Variants in GPR137 observed in about 807,000 individuals in gnomAD.
GPR137 encodes integral membrane protein GPR137.
Under a neutral mutation model 38.9 loss-of-function variants are expected in GPR137, and 20 were observed. The ratio of observed to expected loss-of-function variants is 0.51; its 90% CI spans 0.36 to 0.75. The LOEUF is 0.75. Ranked by LOEUF, GPR137 falls within the 30% of genes least tolerant of loss-of-function variation. The pLI is 0.00. For synonymous variants in GPR137, 226 were observed against 235.8 expected (o/e 0.96, Z 0.38); for missense variants, 456 against 526.4 (o/e 0.87, Z 1.31).
chr11:64,286,133 G>C lies in GPR137; in HGVS notation c.-392G>C. The C allele has an allele frequency of 9.8e-7, 1 of 1,016,094 alleles. No individual in the cohort carries two copies. The highest frequency in any genetic ancestry group is 1.2e-6 in the Non-Finnish European group (1 of 850,456). 62.9% of individuals were successfully genotyped at this position (1,016,094 alleles called of 1,614,324 possible). A position where few individuals can be genotyped will look rare whatever the true frequency, so the allele number is the denominator to read the frequency against. On this transcript the variant is annotated 5_prime_UTR_variant, in exon 1 of 7. Transcript: ENST00000438980. The stretch of plus-strand genomic sequence containing the variant: ...GCAGCGGCCGCTGCCCTGACCCGAC[G>C]GGTATCAGCCGGCTCTCCCCCTCCA...
Position 64,285,871 on chromosome 11 carries a change from GGAGCCCCGGGTCCCCACGACCT to G in GPR137, c.-648_-627del. On this transcript the variant is annotated 5_prime_UTR_variant, in exon 1 of 7. Coordinates refer to ENST00000438980, the MANE Select transcript of GPR137 (RefSeq NM_001170880.2). ...GCGGAGCAGCGGGAGCCGGGGAGCC[GGAGCCCCGGGTCCCCACGACCT>G]GAGCCGGCTCTCCCATCAGCGGCCT... The G allele has an allele frequency of 1.0e-6, 1 of 980,896 alleles. No homozygotes were observed. Among genetic ancestry groups the G allele is most frequent in the South Asian group, 4.7e-5 (1 of 21,216 alleles). The allele number at this position is 980,896 out of a possible 1,614,324, so 60.8% of individuals were successfully genotyped here. A position where few individuals can be genotyped will look rare whatever the true frequency, so the allele number is the denominator to read the frequency against.
At chr11:64,274,056 A>C (rs1380792191), upstream of GPR137, among the ~76,000 whole-genome samples, 1 of 152,172 alleles carries the variant, frequency 6.6e-6, no homozygotes, top group South Asian at 2.1e-4. Context: ...CAGGGCCTCC[A>C]GGGGTCCCAG....
upstream of GPR137, among the ~76,000 whole-genome samples, chr11:64,281,651 G>A (rs1209816070): frequency 1.3e-5 from 2 of 152,172 alleles, no homozygotes; most frequent in Non-Finnish European, 2.9e-5. Context: ...TGGCTCCAGT[G>A]GTGCTTCTCA....
rs1329549835 is a variant in GPR137 at position 64,288,667 on chromosome 11, G to T, written c.977G>T (p.Gly326Val). ...ASRSYFFDRAGHCEDEGCSWE... is the reference protein window; with the variant it reads ...ASRSYFFDRAVHCEDEGCSWE... ...CGGTCCTACTTCTTTGACCGGGCTG[G>T]GCACTGTGAAGATGAGGGCTGCTCC... The change falls in exon 6 of 7, where the codon GGG becomes GTG. Residue 326 changes from glycine (G) to valine (V), a missense_variant. By Grantham distance (109) the Gly-to-Val change is moderately radical. Coordinates refer to ENST00000438980, the MANE Select transcript of GPR137 (RefSeq NM_001170880.2). This position sits in a 1 kb window ranked among gnomAD's most constrained non-coding sequence, Gnocchi z 5.5. 1.3e-6 allele frequency: 2 copies of T among 1,599,104 alleles called. No homozygotes were observed. Among genetic ancestry groups the T allele is most frequent in the Non-Finnish European group, 1.7e-6 (2 of 1,171,820 alleles).
chr11:64,288,441 C>T lies in GPR137; in HGVS notation c.885C>T (p.Phe295=). 2 of 1,613,512 alleles carry T rather than the reference C, an allele frequency of 1.2e-6. No homozygotes were observed. Among genetic ancestry groups the T allele is most frequent in the Non-Finnish European group, 1.7e-6 (2 of 1,179,958 alleles). ...LLPTTLLVGF[F]RVHRPPQDLS... Reference sequence around the variant, plus strand: ...CCACCACCCTGCTGGTGGGCTTCTTCCGGGTGCACCGGCCCCCACAGGACC... The same window carrying T: ...CCACCACCCTGCTGGTGGGCTTCTTTCGGGTGCACCGGCCCCCACAGGACC... The change falls in exon 5 of 7, where the codon TTC becomes TTT. Residue 295 remains phenylalanine, a synonymous_variant. Coordinates refer to ENST00000438980, the MANE Select transcript of GPR137 (RefSeq NM_001170880.2). The surrounding 1 kb of genome is among the most constrained non-coding windows in gnomAD (Gnocchi z 5.5).
At position 64,288,112 on chromosome 11, in the gene GPR137, G is replaced by T; in HGVS notation, c.681G>T (p.Leu227=). ...QAAAMGGAMV[L]LYASRACYNL... ...CCGCGATGGGTGGCGCCATGGTCCTGCTCTATGCCAGCCGGGCCTGCTACA... is the reference window on the plus strand; with the variant it reads ...CCGCGATGGGTGGCGCCATGGTCCTTCTCTATGCCAGCCGGGCCTGCTACA... The change falls in exon 4 of 7, where the codon CTG becomes CTT. Residue 227 remains leucine (L), a synonymous_variant. Coordinates refer to ENST00000438980, the MANE Select transcript of GPR137 (RefSeq NM_001170880.2). This position sits in a 1 kb window ranked among gnomAD's most constrained non-coding sequence, Gnocchi z 5.5. The T allele has an allele frequency of 6.2e-7, 1 of 1,612,390 alleles. No individual in the cohort carries two copies.
upstream of GPR137, among the ~76,000 whole-genome samples, chr11:64,272,212 G>A (rs1322113371): frequency 2.0e-5 from 3 of 152,052 alleles, no homozygotes; most frequent in Admixed American, 1.3e-4. Context: ...CCAGTTACTC[G>A]GGAGGCTGAG....
In GPR137 at chr11:64,286,761, C is replaced by G. The variant is rs770840283; in HGVS notation, c.237C>G (p.Phe79Leu). Residue 79 changes from phenylalanine (F) to leucine (L), a missense_variant, in exon 1 of 7, where the codon TTC (phenylalanine) becomes TTG (leucine). Physicochemically the swap from Phe to Leu is conservative, Grantham distance 22. Coordinates refer to ENST00000438980, the MANE Select transcript of GPR137 (RefSeq NM_001170880.2). ...WAALRTTLFS[F>L]YFRDTPRANR... is the part of the protein sequence containing the mutation. ...CCTTGCGTACCACCCTCTTCTCCTT[C>G]TACTTCCGAGATACTCCCCGCGCCA... 1 of 1,612,390 alleles carries G rather than the reference C, an allele frequency of 6.2e-7. No individual in the cohort carries two copies. The highest frequency in any genetic ancestry group is 8.5e-7 in the Non-Finnish European group (1 of 1,178,902).
chr11:64,272,419 C>T (rs999736419), upstream of GPR137, among the ~76,000 whole-genome samples: 13 of 151,996 alleles, frequency 8.6e-5, no homozygotes, highest in African/African-American at 2.7e-4. Context: ...TGTTCTACAT[C>T]GGAGGAAGCC....
chr11:64,284,985 T>C, upstream of GPR137: 2 of 1,332,896 alleles, frequency 1.5e-6, no homozygotes, highest in Non-Finnish European at 1.9e-6. Context: ...CCTCTGGGCC[T>C]TAGTTTCCCC....
chr11:64,278,847 G>A (rs550341698), intron 2 of GPR137, among the ~76,000 whole-genome samples: 11 of 152,342 alleles, frequency 7.2e-5, no homozygotes, highest in Admixed American at 2.0e-4. Context: ...GTTGCTCTGC[G>A]CAGGTAGAGA....
At chr11:64,287,406 C>T (rs1254622311) in intron 2 of GPR137, 1 of 791,502 alleles carries the variant, frequency 1.3e-6, no homozygotes. Flanking sequence ...TACAATTTCC[C>T]TGAGAGGCTA....
rs1325559185 is a variant in GPR137, at chr11:64,288,734, G to A, written c.1031+13G>A. 2 of 1,534,646 alleles carry A rather than the reference G, an allele frequency of 1.3e-6. No individual in the cohort carries two copies. The highest frequency in any genetic ancestry group is 1.8e-6 in the Non-Finnish European group (2 of 1,138,606). On this transcript the variant is annotated intron_variant, in intron 6 of 6. Transcript: ENST00000438980. This position sits in a 1 kb window ranked among gnomAD's most constrained non-coding sequence, Gnocchi z 5.5. ...GTGAGAGCACCAGGTAGGAGCCGTG[G>A]CACTGCCTCAGTACCCCTGCCCTAC...
At position 64,288,573 on chromosome 11, in the gene GPR137, G is replaced by A. The variant is rs1360686840; in HGVS notation, c.913-30G>A. 1.2e-6 allele frequency: 2 copies of A among 1,613,134 alleles called. No individual in the cohort carries two copies. Among genetic ancestry groups the A allele is most frequent in the Non-Finnish European group, 1.7e-6 (2 of 1,179,778 alleles). On this transcript the variant is annotated intron_variant, in intron 5 of 6. Coordinates refer to ENST00000438980, the MANE Select transcript of GPR137 (RefSeq NM_001170880.2). The surrounding 1 kb of genome is among the most constrained non-coding windows in gnomAD (Gnocchi z 5.5). ...CCTGGGAGGCCAGTGCAGGACAGGA[G>A]TAAGTATCGATGATGGCTTCCTCCC...
chr11:64,279,413 C>T (rs11231741), upstream of GPR137, among the ~76,000 whole-genome samples: 33,231 of 152,164 alleles, frequency 0.22, 4,650 homozygotes, highest in Non-Finnish European at 0.32. Flanking sequence ...CTGGTTCAGA[C>T]TCCAAGTCCC....
At chr11:64,285,578 G>A (rs1307750076), upstream of GPR137, 13 of 983,828 alleles carry the variant, frequency 1.3e-5, no homozygotes, top group Admixed American at 6.2e-5. Context: ...TAGGAGAGAG[G>A]AGCGTGGGAA....
In GPR137 at chr11:64,288,876, C is replaced by A. The variant is rs951230745; in HGVS notation, c.1031+155C>A. On this transcript the variant is annotated intron_variant, in intron 6 of 6. Coordinates refer to ENST00000438980, the MANE Select transcript of GPR137 (RefSeq NM_001170880.2). The surrounding 1 kb of genome is among the most constrained non-coding windows in gnomAD (Gnocchi z 5.5). ...GTACTAGGTGAGGTCCCCTGGGTTC[C>A]TATTGCTAAAGCCTCCACCTCTTGC... is the stretch of plus-strand genomic sequence containing the variant. 1.4e-5 allele frequency: 14 copies of A among 985,216 alleles called. No individual in the cohort carries two copies. The highest frequency in any genetic ancestry group is 1.4e-5 in the Non-Finnish European group (12 of 829,904). 61.0% of individuals were successfully genotyped at this position (985,216 alleles called of 1,614,324 possible). A position where few individuals can be genotyped will look rare whatever the true frequency, so the allele number is the denominator to read the frequency against.
At position 64,288,269 on chromosome 11, in the gene GPR137, C is replaced by G; in HGVS notation, c.783+55C>G. 1.2e-6 allele frequency: 2 copies of G among 1,609,908 alleles called. No homozygotes were observed. The highest frequency in any genetic ancestry group is 1.7e-4 in the Middle Eastern group (1 of 6,048). The stretch of plus-strand genomic sequence containing the variant: ...AGTAGCCGTGGCACCTTGGCCCCAG[C>G]TGGCCTGGGCCCTGTCCCACTACCC... On this transcript the variant is annotated intron_variant, in intron 4 of 6. Coordinates refer to ENST00000438980, the MANE Select transcript of GPR137 (RefSeq NM_001170880.2). The surrounding 1 kb of genome is among the most constrained non-coding windows in gnomAD (Gnocchi z 5.5).
Position 64,288,530 on chromosome 11 carries a change from T to G in GPR137, c.912+62T>G, listed in dbSNP as rs971414076. 16 of 1,613,278 alleles carry G rather than the reference T, an allele frequency of 9.9e-6. No individual in the cohort carries two copies. Among genetic ancestry groups the G allele is most frequent in the Non-Finnish European group, 1.4e-5 (16 of 1,179,800 alleles). On this transcript the variant is annotated intron_variant, in intron 5 of 6. Transcript: ENST00000438980. The surrounding 1 kb of genome is among the most constrained non-coding windows in gnomAD (Gnocchi z 5.5). Reference sequence around the variant, plus strand: ...GGGGGCGGATGTTGCAAATCCTGGGTTGGAGTCTGGGGTTGGGCCTGGGAG... The same window carrying G: ...GGGGGCGGATGTTGCAAATCCTGGGGTGGAGTCTGGGGTTGGGCCTGGGAG...
Sources: gnomAD v4.1 joint callset for allele counts (sites outside exome capture counted in the v4.1 genomes callset) on GRCh38, gnomAD v4.1.1 for gene constraint, Gnocchi (gnomAD v3.1) non-coding constraint, MANE v1.5 for transcripts, NCBI Gene and HGNC (gene_info 2026-07-23, HGNC 2026-07-21) for gene names.